ABCC8: variants seen among roughly 807,000 people sequenced by gnomAD.
The protein encoded by ABCC8 is ATP binding cassette subfamily C member 8.
A neutral mutation model predicts 188.0 loss-of-function variants in ABCC8; 137 were observed. The ratio of observed to expected loss-of-function variants is 0.73; its 90% CI spans 0.63 to 0.84. The LOEUF (loss-of-function observed/expected upper bound fraction) is 0.84, where lower values mean the gene tolerates loss of function less well. Among genes scored for constraint, ABCC8 ranks in the 40% least tolerant of loss-of-function variants. The pLI, the probability that ABCC8 is intolerant of heterozygous loss-of-function variation, is 0.00. For missense variants in ABCC8, 1,750 were observed against 2,072.7 expected, an observed-to-expected ratio of 0.84 and a Z score of 3.02; for synonymous variants, 797 against 846.5, an observed-to-expected ratio of 0.94 and a Z score of 1.01.
rs57138230 is a variant in ABCC8, at chr11:17,399,275, C to CA, written c.3651-835dup. On this transcript the variant is annotated intron_variant, in intron 29 of 38. Transcript: ENST00000389817. ...TGGGTGACAAAGTGAGACTCTGCCT[C>CA]AAAAAAAAAAAAAAAAAAAAAAAAA... is the stretch of plus-strand genomic sequence containing the variant. Among the ~76,000 whole-genome samples the CA allele has an allele frequency of 2.1e-3, 122 of 58,524 alleles. 8 individuals carry two copies. Among genetic ancestry groups the CA allele is most frequent in the Admixed American group, 5.7e-3 (21 of 3,672 alleles). The allele number at this position is 58,524 out of a possible 152,430, so 38.4% of individuals were successfully genotyped here. A position where few individuals can be genotyped will look rare whatever the true frequency, so the allele number is the denominator to read the frequency against.
rs760963644 is a variant in ABCC8, at chr11:17,428,381, G to T, written c.1948C>A (p.Arg650Ser). 1.2e-6 allele frequency: 2 copies of T among 1,614,004 alleles called. No individual in the cohort carries two copies. The highest frequency in any genetic ancestry group is 2.2e-5 in the South Asian group (2 of 91,072). Residue 650 changes from arginine to serine, a missense_variant, in exon 14 of 39, where the codon CGT (arginine) becomes AGT (serine). Arg to Ser is a moderately radical substitution (Grantham distance 110, BLOSUM62 -1). Coordinates refer to ENST00000389817, the MANE Select transcript of ABCC8 (RefSeq NM_000352.6). ...AVPLRVVNRK[R>S]PAREDCRGLT... ...CCCCGACAATCCTCCCGGGCTGGACGCTTGCGGTTCACAACCCTGAGGGGC... is the reference window on the plus strand; with the variant it reads ...CCCCGACAATCCTCCCGGGCTGGACTCTTGCGGTTCACAACCCTGAGGGGC...
At chr11:17,410,400 T>C in intron 22 of ABCC8, 116 bp downstream of exon 22, 1 of 1,203,158 alleles carries the variant, frequency 8.3e-7, no homozygotes, top group East Asian at 2.4e-5. Flanking sequence ...TGCTGGTCTC[T>C]TATGCTTTGT....
chr11:17,467,554 T>TC (rs1848241767), intron 3 of ABCC8, among the ~76,000 whole-genome samples: 1 of 152,254 alleles, frequency 6.6e-6, no homozygotes, highest in East Asian at 1.9e-4. Flanking sequence ...TTCTCCCAGT[T>TC]AGTTCCTTCA....
At chr11:17,401,392 G>C (rs1341349301) in intron 29 of ABCC8, among the ~76,000 whole-genome samples, 1 of 152,160 alleles carries the variant, frequency 6.6e-6, no homozygotes, top group African/African-American at 2.4e-5. Flanking sequence ...GCAGAGCTTT[G>C]CTCTGCTCTT....
At position 17,470,198 on chromosome 11, in the gene ABCC8, G is replaced by C. The variant is rs1848404808; in HGVS notation, c.315C>G (p.His105Gln). 6.2e-7 allele frequency: 1 copy of C among 1,614,158 alleles called. No homozygotes were observed. The highest frequency in any genetic ancestry group is 8.5e-7 in the Non-Finnish European group (1 of 1,180,044). ...SDGVTESHHL[H>Q]LYMPAGMAFM... ...ACGCCATCCCGGCTGGCATGTACAG[G>C]TGCAGATGGTGGGATTCGGTCACCC... Residue 105 changes from histidine to glutamine, a missense_variant, in exon 3 of 39, where the codon CAC (histidine) becomes CAG (glutamine). Physicochemically the swap from His to Gln is conservative, Grantham distance 24 (BLOSUM62 0). Transcript: ENST00000389817.
At position 17,453,157 on chromosome 11, in the gene ABCC8, C is replaced by A; in HGVS notation, c.1138G>T (p.Ala380Ser). 6 of 1,614,094 alleles carry A rather than the reference C, an allele frequency of 3.7e-6. No homozygotes were observed. Among genetic ancestry groups the A allele is most frequent in the Non-Finnish European group, 5.1e-6 (6 of 1,180,002 alleles). ...RTFLQASYYV[A>S]IETGINLRGA... ...CTCAAGTTAATTCCAGTTTCAATGG[C>A]CACATAGTAGGATGCTTGCAGAAAT... Residue 380 changes from alanine (A) to serine (S), a missense_variant, in exon 7 of 39, where the codon GCC (alanine) becomes TCC (serine). Transcript: ENST00000389817.
At chr11:17,398,218 G>A in intron 30 of ABCC8, 121 bp downstream of exon 30, 1 of 1,323,696 alleles carries the variant, frequency 7.6e-7, no homozygotes, top group Non-Finnish European at 1.1e-6. Flanking sequence ...GGGGAAGCAG[G>A]AAGGCTTGGT....
chr11:17,417,280 G>C (rs1955126663), intron 16 of ABCC8, among the ~76,000 whole-genome samples: 2 of 152,140 alleles, frequency 1.3e-5, no homozygotes, highest in South Asian at 4.1e-4. Flanking sequence ...GAAAGTGAGA[G>C]GACACAATCA....
intron 28 of ABCC8, 118 bp from the exon 29 acceptor site, chr11:17,402,871 T>G: frequency 2.4e-6 from 3 of 1,268,262 alleles, no homozygotes; most frequent in Non-Finnish European, 1.1e-6. Flanking sequence ...TCTCTAGGCC[T>G]CAGCTTCTTA....
rs1211875269 is a variant in ABCC8 at position 17,396,946 on chromosome 11, G to A, written c.4089C>T (p.His1363=). ...YDSSLKPVLK[H]VNALIAPGQK... ...GTCCAGGGGCGATGAGGGCATTGAC[G>A]TGCTTCAGCACCGGCTTCAGGGAGC... Residue 1363 remains histidine, a synonymous_variant, in exon 33 of 39, where the codon CAC becomes CAT. Transcript: ENST00000389817. 1.7e-5 allele frequency: 28 copies of A among 1,614,088 alleles called. No homozygotes were observed. The East Asian group carries it at 4.7e-4, about 27-fold the overall frequency.
At chr11:17,470,369 T>A in intron 2 of ABCC8, 147 bp from the exon 3 acceptor site, 1 of 1,401,500 alleles carries the variant, frequency 7.1e-7, no homozygotes, top group Non-Finnish European at 9.7e-7. Flanking sequence ...TGGGCGTATT[T>A]GGGGTATGGG....
chr11:17,404,832 G>C lies in ABCC8; in HGVS notation c.3400-163C>G. 2 of 664,506 alleles carry C rather than the reference G, an allele frequency of 3.0e-6. No individual in the cohort carries two copies. Among genetic ancestry groups the C allele is most frequent in the Non-Finnish European group, 3.7e-6 (2 of 537,074 alleles). 41.2% of individuals were successfully genotyped at this position (664,506 alleles called of 1,614,324 possible). A position where few individuals can be genotyped will look rare whatever the true frequency, so the allele number is the denominator to read the frequency against. ...ACTTGAGTGCAGCAGCGTAATCTCG[G>C]TTCACGGCAGCCTCTGCCCCTTGGG... On this transcript the variant is annotated intron_variant, in intron 27 of 38. Transcript: ENST00000389817. The surrounding 1 kb of genome is among the most constrained non-coding windows in gnomAD (Gnocchi z 4.7).
intron 7 of ABCC8, among the ~76,000 whole-genome samples, chr11:17,452,154 A>G (rs1184346814): frequency 6.6e-6 from 1 of 152,124 alleles, no homozygotes; most frequent in African/African-American, 2.4e-5. Flanking sequence ...CCTAGTGAAG[A>G]CCCTGGGACT....
At chr11:17,422,476 A>T (rs904722784) in intron 16 of ABCC8, among the ~76,000 whole-genome samples, 1 of 152,194 alleles carries the variant, frequency 6.6e-6, no homozygotes, top group African/African-American at 2.4e-5. Flanking sequence ...TGAGTGAACC[A>T]AAAACAACTT....
At chr11:17,416,863 T>C in intron 17 of ABCC8, 67 bp downstream of exon 17, 1 of 1,587,308 alleles carries the variant, frequency 6.3e-7, no homozygotes, top group Non-Finnish European at 8.6e-7. Flanking sequence ...CACCCACAAG[T>C]CCTCCACCCC....
At position 17,415,099 on chromosome 11, in the gene ABCC8, G is replaced by A. The variant is rs554372740; in HGVS notation, c.2291+205C>T. Among the ~76,000 whole-genome samples, 81 of 150,642 alleles carry A rather than the reference G, an allele frequency of 5.4e-4. No homozygotes were observed. The South Asian group carries it at 0.016, about 29-fold the overall frequency. ...AGAAAAAGAGATCCCAGATAAAAAT[G>A]ATCTTATGTGAAGGGAGTAAATGGA... On this transcript the variant is annotated intron_variant, in intron 18 of 38. Transcript: ENST00000389817.
intron 12 of ABCC8, 80 bp downstream of exon 12, chr11:17,430,734 G>A (rs1229627079): frequency 2.7e-6 from 4 of 1,488,578 alleles, no homozygotes; most frequent in Non-Finnish European, 2.8e-6. Flanking sequence ...AACAGCTGTG[G>A]TTTGGCCATC....
intron 36 of ABCC8, 142 bp downstream of exon 36, chr11:17,395,030 A>G (rs779455270): frequency 1.3e-5 from 14 of 1,087,296 alleles, no homozygotes; most frequent in Non-Finnish European, 1.8e-5. Context: ...GGGCCCCCGT[A>G]TAGTGAGAAG....
chr11:17,430,892 A>G lies in ABCC8; in HGVS notation c.1739T>C (p.Leu580Pro), dbSNP rs1163221175. 6.2e-7 allele frequency: 1 copy of G among 1,614,112 alleles called. No individual in the cohort carries two copies. Reference sequence around the variant, plus strand: ...TGTGACCAAGATATGGAAGAGGGAGAGGGAGGCAAAGGCCACGGAGGGCGA... The same window carrying G: ...TGTGACCAAGATATGGAAGAGGGAGGGGGAGGCAAAGGCCACGGAGGGCGA... Reference protein sequence around the residue: ...DFSPSVAFASLSLFHILVTPL... With the variant: ...DFSPSVAFASPSLFHILVTPL... Residue 580 changes from leucine (L) to proline (P), a missense_variant, in exon 12 of 39, where the codon CTC becomes CCC. By Grantham distance (98) the Leu-to-Pro change is moderately conservative. Coordinates refer to ENST00000389817, the MANE Select transcript of ABCC8 (RefSeq NM_000352.6).
Sources: gnomAD v4.1 joint callset for allele counts (sites outside exome capture counted in the v4.1 genomes callset) on GRCh38, gnomAD v4.1.1 for gene constraint, Gnocchi (gnomAD v3.1) non-coding constraint, MANE v1.5 for transcripts, NCBI Gene and HGNC (gene_info 2026-07-23, HGNC 2026-07-21) for gene names.